Variants in THSD4 observed in about 807,000 individuals in gnomAD.
THSD4 encodes the protein thrombospondin type 1 domain containing 4.
A neutral mutation model predicts 119.0 loss-of-function variants in THSD4; 69 were observed. The observed-to-expected ratio is 0.58, with a 90% confidence interval of 0.48 to 0.71. THSD4 has a LOEUF of 0.71. Among genes scored for constraint, THSD4 ranks in the 30% least tolerant of loss-of-function variants. THSD4 has a pLI of 0.00. For missense variants in THSD4, 1,393 were observed against 1,391.1 expected (o/e 1.00, Z -0.02); for synonymous variants, 524 against 540.4 (o/e 0.97, Z 0.42).
chr15:71,112,635 G>A (rs1009559530), upstream of THSD4, among the ~76,000 whole-genome samples: 5 of 152,180 alleles, frequency 3.3e-5, no homozygotes, highest in African/African-American at 1.2e-4. Context: ...TGCCAGGCAG[G>A]CCCCCAGCCT....
intron 3 of THSD4, among the ~76,000 whole-genome samples, chr15:71,172,692 T>TAC (rs1179321124): frequency 5.9e-5 from 4 of 68,248 alleles, no homozygotes; most frequent in African/African-American, 3.3e-4. Context: ...CATATATATA[T>TAC]ATATATATAT....
chr15:71,659,892 CTG>C (rs1166758139), intron 7 of THSD4, among the ~76,000 whole-genome samples: 1 of 152,118 alleles, frequency 6.6e-6, no homozygotes, highest in African/African-American at 2.4e-5. Flanking sequence ...AGACAGCACT[CTG>C]TGGTTTAGCA....
rs568823047 is a variant in THSD4, at chr15:71,101,330, A to G, written c.-80+4324A>G. 9.2e-5 allele frequency among the ~76,000 whole-genome samples: 14 copies of G among 152,320 alleles called. No homozygotes were observed. The East Asian group carries it at 2.5e-3, about 27-fold the overall frequency. ...GTATAAACACATAAATGATATAAATATTAGATCTTCTCACCATATAGGTAC... is the reference window on the plus strand; with the variant it reads ...GTATAAACACATAAATGATATAAATGTTAGATCTTCTCACCATATAGGTAC... On this transcript the variant is annotated intron_variant, in intron 1 of 17. Coordinates refer to the THSD4 transcript ENST00000355327.
intron 7 of THSD4, among the ~76,000 whole-genome samples, chr15:71,628,595 G>A (rs748786722): frequency 3.9e-5 from 6 of 152,170 alleles, no homozygotes; most frequent in Non-Finnish European, 8.8e-5. Context: ...GGAGGTTTAG[G>A]GTGAAGCCTG....
intron 6 of THSD4, among the ~76,000 whole-genome samples, chr15:71,326,554 A>G (rs1180702310): frequency 2.0e-5 from 3 of 148,544 alleles, no homozygotes; most frequent in Non-Finnish European, 4.5e-5. Flanking sequence ...GCACACACCT[A>G]TAATCCCAGC....
intron 1 of THSD4, among the ~76,000 whole-genome samples, chr15:71,130,987 G>GCCTGC (rs138609811): frequency 0.019 from 2,883 of 151,722 alleles, 91 homozygotes; most frequent in African/African-American, 0.066. Flanking sequence ...CTCGTGATCC[G>GCCTGC]CCTGCCTTGG....
At chr15:71,285,461 C>T (rs1378079093) in intron 6 of THSD4, among the ~76,000 whole-genome samples, 1 of 152,164 alleles carries the variant, frequency 6.6e-6, no homozygotes, top group African/African-American at 2.4e-5. Flanking sequence ...CGCTTCACCT[C>T]CTAAAGTGTT....
chr15:71,280,364 G>A (rs1235083019), intron 6 of THSD4, among the ~76,000 whole-genome samples: 2 of 152,140 alleles, frequency 1.3e-5, no homozygotes, highest in East Asian at 1.9e-4. Flanking sequence ...AAGCAGGAGA[G>A]TAGTATGATC....
chr15:71,241,459 C>A (rs770091827), intron 4 of THSD4, among the ~76,000 whole-genome samples: 4 of 152,164 alleles, frequency 2.6e-5, no homozygotes, highest in Non-Finnish European at 5.9e-5. Flanking sequence ...CCCCGCCCTG[C>A]ATTGTGATCT....
intron 6 of THSD4, among the ~76,000 whole-genome samples, chr15:71,376,561 T>C (rs987873494): frequency 2.0e-5 from 3 of 152,182 alleles, no homozygotes; most frequent in Non-Finnish European, 4.4e-5. Flanking sequence ...GGGACACACA[T>C]AATTCTGATC....
intron 7 of THSD4, among the ~76,000 whole-genome samples, chr15:71,485,749 G>A (rs2047806043): frequency 6.6e-6 from 1 of 151,926 alleles, no homozygotes; most frequent in African/African-American, 2.4e-5. Context: ...CTCATTGAAT[G>A]ACAAATATTT....
chr15:71,561,474 G>A (rs1217658186), intron 7 of THSD4, among the ~76,000 whole-genome samples: 2 of 152,094 alleles, frequency 1.3e-5, no homozygotes, highest in Non-Finnish European at 2.9e-5. Context: ...TCTGTGAGTG[G>A]GTATTTGTCC....
intron 8 of THSD4, among the ~76,000 whole-genome samples, chr15:71,713,679 A>G (rs1424333791): frequency 2.0e-5 from 3 of 152,140 alleles, no homozygotes; most frequent in African/African-American, 7.2e-5. Context: ...ATCAAAGTAG[A>G]ATTTAGATAT....
intron 8 of THSD4, among the ~76,000 whole-genome samples, chr15:71,681,731 G>A (rs949565935): frequency 4.0e-5 from 6 of 151,400 alleles, no homozygotes; most frequent in Non-Finnish European, 7.4e-5. Context: ...AACTGATAGT[G>A]AACTAAGATC....
intron 6 of THSD4, among the ~76,000 whole-genome samples, chr15:71,333,814 C>T (rs371402512): frequency 1.3e-5 from 2 of 152,164 alleles, no homozygotes; most frequent in East Asian, 1.9e-4. Context: ...TTTTCTCTTA[C>T]GGGGCTTAGT....
chr15:71,636,106 C>T (rs929204512), intron 7 of THSD4, among the ~76,000 whole-genome samples: 2 of 152,140 alleles, frequency 1.3e-5, no homozygotes, highest in African/African-American at 4.8e-5. Flanking sequence ...AAATTGTTTA[C>T]CTTCTCCTCA....
upstream of THSD4, among the ~76,000 whole-genome samples, chr15:71,114,187 C>T (rs2040331435): frequency 6.6e-6 from 1 of 152,008 alleles, no homozygotes; most frequent in South Asian, 2.1e-4. Flanking sequence ...CTTTCTTTGG[C>T]CTAATCTCTT....
chr15:71,671,487 A>G (rs1348078033), intron 8 of THSD4, among the ~76,000 whole-genome samples: 2 of 152,192 alleles, frequency 1.3e-5, no homozygotes, highest in Admixed American at 1.3e-4. Context: ...TCTTGAGTTC[A>G]ATTAGATCCC....
At chr15:71,281,996 G>T (rs1423568710) in intron 6 of THSD4, among the ~76,000 whole-genome samples, 2 of 152,210 alleles carry the variant, frequency 1.3e-5, no homozygotes, top group Admixed American at 1.3e-4. Flanking sequence ...ATTAGGGAAA[G>T]GAGGATAATA....
Sources: allele counts gnomAD v4.1 joint callset (sites outside exome capture counted in the v4.1 genomes callset), GRCh38; gene constraint gnomAD v4.1.1; transcripts MANE v1.5; gene names NCBI Gene and HGNC (gene_info 2026-07-23, HGNC 2026-07-21).